STAP1: variants seen among roughly 807,000 people sequenced by gnomAD.
STAP1 encodes the protein signal transducing adaptor family member 1, also known as signal-transducing adaptor protein 1.
STAP1 carries 30 observed loss-of-function variants against 37.8 expected under a neutral mutation model. That is an observed-to-expected ratio of 0.79 (90% CI 0.59 to 1.08). STAP1 has a LOEUF of 1.08. Ranked by LOEUF, STAP1 falls within the 50% of genes least tolerant of loss-of-function variation. STAP1 has a pLI of 0.00. For missense variants in STAP1, 357 were observed against 349.4 expected (o/e 1.02, Z -0.17); for synonymous variants, 130 against 116.0 (o/e 1.12, Z -0.78).
intron 8 of STAP1, among the ~76,000 whole-genome samples, chr4:67,604,596 G>A (rs1728411274): frequency 1.3e-5 from 2 of 152,166 alleles, no homozygotes. Flanking sequence ...CAACATCTTG[G>A]TTATCTTAGT....
intron 1 of STAP1, among the ~76,000 whole-genome samples, chr4:67,564,703 A>G (rs910633326): frequency 2.0e-5 from 3 of 152,172 alleles, no homozygotes; most frequent in Non-Finnish European, 2.9e-5. Flanking sequence ...ACTTGAGGTC[A>G]GGAGTTCGAG....
At chr4:67,575,079 T>G (rs1407822210) in intron 2 of STAP1, among the ~76,000 whole-genome samples, 1 of 152,192 alleles carries the variant, frequency 6.6e-6, no homozygotes, top group Non-Finnish European at 1.5e-5. Flanking sequence ...TAATTACCTT[T>G]GCTTTGAATA....
chr4:67,570,978 C>T lies in STAP1; in HGVS notation c.121-106C>T, dbSNP rs150126068. ...TTAGAATTATCCAGGATAAAGAAGACTTCTTATATCACACAAGCAATTAAG... is the reference window on the plus strand; with the variant it reads ...TTAGAATTATCCAGGATAAAGAAGATTTCTTATATCACACAAGCAATTAAG... On this transcript the variant is annotated intron_variant, in intron 1 of 8. Transcript: ENST00000265404. The T allele has an allele frequency of 0.013, 11,230 of 887,174 alleles. 104 individuals are homozygous for T. The highest frequency in any genetic ancestry group is 0.016 in the Non-Finnish European group (8,910 of 547,976). 55.0% of individuals were successfully genotyped at this position (887,174 alleles called of 1,614,324 possible). A position where few individuals can be genotyped will look rare whatever the true frequency, so the allele number is the denominator to read the frequency against.
intron 6 of STAP1, among the ~76,000 whole-genome samples, chr4:67,584,188 G>A (rs1206800668): frequency 1.3e-5 from 2 of 151,862 alleles, no homozygotes; most frequent in African/African-American, 4.8e-5. Context: ...ATTTGCAGCA[G>A]GGAAGAAGAA....
intron 1 of STAP1, 69 bp downstream of exon 1, chr4:67,558,998 G>A: frequency 6.8e-7 from 1 of 1,473,422 alleles, no homozygotes; most frequent in Middle Eastern, 2.0e-4. Context: ...TCATGGTGAT[G>A]TGATGTGTTA....
At chr4:67,598,190 C>T (rs1023616776) in intron 8 of STAP1, among the ~76,000 whole-genome samples, 1 of 152,162 alleles carries the variant, frequency 6.6e-6, no homozygotes, top group Non-Finnish European at 1.5e-5. Context: ...GGCAGTTTCC[C>T]TTGCACTCTC....
At chr4:67,568,858 C>G (rs1727535038) in intron 1 of STAP1, among the ~76,000 whole-genome samples, 1 of 152,204 alleles carries the variant, frequency 6.6e-6, no homozygotes, top group Non-Finnish European at 1.5e-5. Context: ...ATGCTGGGCC[C>G]TTCACTGGTC....
At chr4:67,564,012 A>C (rs926508528) in intron 1 of STAP1, among the ~76,000 whole-genome samples, 4 of 151,452 alleles carry the variant, frequency 2.6e-5, no homozygotes, top group Non-Finnish European at 5.9e-5. Context: ...TTAATTTTTA[A>C]GTATTTCTCT....
Position 67,606,203 on chromosome 4 carries a change from C to T in STAP1, c.827-93C>T, listed in dbSNP as rs1254268721. 4 of 973,668 alleles carry T rather than the reference C, an allele frequency of 4.1e-6. No individual in the cohort carries two copies. The African/African-American group carries it at 5.0e-5, about 12-fold the overall frequency. The allele number at this position is 973,668 out of a possible 1,614,324, so 60.3% of individuals were successfully genotyped here. On this transcript the variant is annotated intron_variant, in intron 8 of 8. Transcript: ENST00000265404. ...CTAAACACACCAGCAATGTTCCACA[C>T]ACGAGCAGGAAAATCAACTCACTGA...
chr4:67,583,601 G>C lies in STAP1; in HGVS notation c.558G>C (p.Glu186Asp). ...GTTTTTATACAGTGTCCCGGAAAGAGGCAACTGAGATGCTCCAGAAGAACC... is the reference window on the plus strand; with the variant it reads ...GTTTTTATACAGTGTCCCGGAAAGACGCAACTGAGATGCTCCAGAAGAACC... The part of the protein sequence containing the change: ...PACFYTVSRK[E>D]ATEMLQKNPS... The change falls in exon 6 of 9, where the codon GAG (glutamate) becomes GAC (aspartate). Residue 186 changes from glutamate (E) to aspartate (D), a missense_variant. By Grantham distance (45) the Glu-to-Asp change is conservative (BLOSUM62 2). Transcript: ENST00000265404. The C allele has an allele frequency of 6.2e-7, 1 of 1,613,388 alleles. No individual in the cohort carries two copies. Among genetic ancestry groups the C allele is most frequent in the East Asian group, 2.2e-5 (1 of 44,834 alleles).
intron 2 of STAP1, among the ~76,000 whole-genome samples, chr4:67,571,533 C>G (rs1487383): frequency 9.9e-5 from 15 of 151,894 alleles, no homozygotes; most frequent in African/African-American, 3.1e-4. Context: ...TGGAAAGGAA[C>G]AAAATGATCT....
At chr4:67,564,506 C>A (rs747874813) in intron 1 of STAP1, among the ~76,000 whole-genome samples, 25 of 152,196 alleles carry the variant, frequency 1.6e-4, no homozygotes, top group Non-Finnish European at 3.4e-4. Context: ...TACCTTATGG[C>A]AGGGTAATAC....
At position 67,575,635 on chromosome 4, in the gene STAP1, C is replaced by G. The variant is rs1245402126; in HGVS notation, c.306+137C>G. ...GTTAATATTTTTGCTTGCGTCTGGC[C>G]AAGACCTAGTTTTCTGAATTGGAAT... On this transcript the variant is annotated intron_variant, in intron 3 of 8. Coordinates refer to ENST00000265404, the MANE Select transcript of STAP1 (RefSeq NM_012108.4). 6 of 665,644 alleles carry G rather than the reference C, an allele frequency of 9.0e-6. No homozygotes were observed. In the East Asian group the frequency reaches 1.6e-4, roughly 17 times the overall value. The allele number at this position is 665,644 out of a possible 1,614,324, so 41.2% of individuals were successfully genotyped here. A position where few individuals can be genotyped will look rare whatever the true frequency, so the allele number is the denominator to read the frequency against.
chr4:67,581,204 A>G, intron 4 of STAP1, 101 bp from the exon 5 acceptor site: 1 of 1,109,914 alleles, frequency 9.0e-7, no homozygotes. Flanking sequence ...CACCTCTGTC[A>G]GGTAACTGTA....
At chr4:67,589,353 A>G (rs1452541250) in intron 6 of STAP1, among the ~76,000 whole-genome samples, 1 of 152,142 alleles carries the variant, frequency 6.6e-6, no homozygotes, top group African/African-American at 2.4e-5. Flanking sequence ...GTTTTATCCC[A>G]TGTTTTGAAA....
At chr4:67,564,340 A>G (rs1204332566) in intron 1 of STAP1, among the ~76,000 whole-genome samples, 1 of 151,718 alleles carries the variant, frequency 6.6e-6, no homozygotes, top group Admixed American at 6.6e-5. Context: ...TACCTGTAAA[A>G]CTCCCATTTT....
rs185363781 is a variant in STAP1, at chr4:67,584,654, A to T, written c.659+952A>T. Reference sequence around the variant, plus strand: ...AAACCCTACCAATATCTGGGGCAAAAGTGCTCCAGGCAGCAAATGTGTATG... The same window carrying T: ...AAACCCTACCAATATCTGGGGCAAATGTGCTCCAGGCAGCAAATGTGTATG... On this transcript the variant is annotated intron_variant, in intron 6 of 8. Transcript: ENST00000265404. Among the ~76,000 whole-genome samples the T allele has an allele frequency of 1.5e-4, 23 of 152,268 alleles. No homozygotes were observed. The East Asian group carries it at 4.1e-3, about 27-fold the overall frequency.
In STAP1 at chr4:67,590,932, C is replaced by T; in HGVS notation, c.708C>T (p.Tyr236=). Residue 236 remains tyrosine, a synonymous_variant, in exon 7 of 9, where the codon TAC becomes TAT. Coordinates refer to ENST00000265404, the MANE Select transcript of STAP1 (RefSeq NM_012108.4). Reference sequence around the variant, plus strand: ...AAGTGATGAGCGTAGGACAAAACTACACTATTGAACTGGAAAAACCTGTAA... The same window carrying T: ...AAGTGATGAGCGTAGGACAAAACTATACTATTGAACTGGAAAAACCTGTAA... The part of the protein sequence containing the change: ...HYKVMSVGQN[Y]TIELEKPVTL... The T allele has an allele frequency of 6.2e-7, 1 of 1,611,904 alleles. No individual in the cohort carries two copies. The highest frequency in any genetic ancestry group is 8.5e-7 in the Non-Finnish European group (1 of 1,178,988).
intron 7 of STAP1, among the ~76,000 whole-genome samples, chr4:67,592,723 C>G (rs531259360): frequency 6.6e-6 from 1 of 152,274 alleles, no homozygotes; most frequent in Admixed American, 6.5e-5. Context: ...CTTACCCTGT[C>G]ACCCAGGCTG....
Sources: allele counts gnomAD v4.1 joint callset (sites outside exome capture counted in the v4.1 genomes callset), GRCh38; gene constraint gnomAD v4.1.1; transcripts MANE v1.5; gene names NCBI Gene and HGNC (gene_info 2026-07-23, HGNC 2026-07-21).